Variants in TAB1 observed in about 807,000 individuals in gnomAD.
TAB1 encodes TGF-beta-activated kinase 1 and MAP3K7-binding protein 1.
In TAB1, 30 loss-of-function variants were observed where a neutral mutation model predicts 54.5. The ratio of observed to expected loss-of-function variants is 0.55; its 90% CI spans 0.41 to 0.75. TAB1 has a LOEUF of 0.75. Ranked by LOEUF, TAB1 falls within the 30% of genes least tolerant of loss-of-function variation. The pLI, the probability that TAB1 is intolerant of heterozygous loss-of-function variation, is 0.00. For synonymous variants in TAB1, 289 were observed against 286.9 expected (o/e 1.01, Z -0.07); for missense variants, 609 against 683.2 (o/e 0.89, Z 1.21).
intron 8 of TAB1, 109 bp downstream of exon 8, chr22:39,422,080 T>C (rs1343770076): frequency 2.8e-6 from 3 of 1,055,284 alleles, no homozygotes; most frequent in Non-Finnish European, 3.9e-6. Context: ...TCACCAGACA[T>C]CTCTGGGTTC....
intron 8 of TAB1, among the ~76,000 whole-genome samples, chr22:39,425,252 C>T (rs537939693): frequency 5.9e-5 from 9 of 151,700 alleles, no homozygotes; most frequent in East Asian, 1.9e-4. Context: ...TGCATAGTGA[C>T]GCACGCCTGT....
intron 7 of TAB1, among the ~76,000 whole-genome samples, chr22:39,420,961 C>A (rs762353339): frequency 6.8e-6 from 1 of 146,758 alleles, no homozygotes; most frequent in African/African-American, 2.6e-5. Flanking sequence ...GCATCCTTTT[C>A]GGAACACCCA....
At position 39,415,051 on chromosome 22, in the gene TAB1, T is replaced by G; in HGVS notation, c.79T>G (p.Ser27Ala). 1 of 1,614,026 alleles carries G rather than the reference T, an allele frequency of 6.2e-7. No individual in the cohort carries two copies. Among genetic ancestry groups the G allele is most frequent in the Non-Finnish European group, 8.5e-7 (1 of 1,179,952 alleles). ...WTDDLPLCHL[S>A]GVGSASNRSY... is the part of the protein sequence containing the mutation. ...AGATGACCTGCCTCTCTGCCACCTCTCTGGGGTTGGCTCAGCCTCCAACCG... is the reference window on the plus strand; with the variant it reads ...AGATGACCTGCCTCTCTGCCACCTCGCTGGGGTTGGCTCAGCCTCCAACCG... The change falls in exon 2 of 11, where the codon TCT (serine) becomes GCT (alanine). Residue 27 changes from serine (S) to alanine (A), a missense_variant. Physicochemically the swap from Ser to Ala is moderately conservative, Grantham distance 99. Transcript: ENST00000216160. The surrounding 1 kb of genome is among the most constrained non-coding windows in gnomAD (Gnocchi z 4.9).
chr22:39,437,050 A>C (rs1428299606), downstream of TAB1: 1 of 142,000 alleles, frequency 7.0e-6, no homozygotes, highest in African/African-American at 3.2e-5. Context: ...CCTCTTCTGC[A>C]AAAAAAAAAT....
intron 1 of TAB1, among the ~76,000 whole-genome samples, chr22:39,408,491 G>A (rs759854321): frequency 7.9e-5 from 12 of 152,276 alleles, no homozygotes; most frequent in South Asian, 2.1e-4. Context: ...TTTCACTGGC[G>A]TTTTTTGTTT....
chr22:39,407,853 C>T (rs949649887), intron 1 of TAB1, among the ~76,000 whole-genome samples: 6 of 152,078 alleles, frequency 3.9e-5, no homozygotes, highest in Admixed American at 2.0e-4. Context: ...ATCTCTTGAC[C>T]TCGTGATCTG....
intron 5 of TAB1, 115 bp downstream of exon 5, chr22:39,417,964 C>A: frequency 7.4e-7 from 1 of 1,342,978 alleles, no homozygotes; most frequent in Non-Finnish European, 9.9e-7. Context: ...AACCCAGGGT[C>A]TCCTGAGACC....
At chr22:39,436,621 G>A (rs1254391763), downstream of TAB1, 3 of 1,435,006 alleles carry the variant, frequency 2.1e-6, no homozygotes, top group African/African-American at 2.8e-5. Flanking sequence ...GATCATCCTG[G>A]GGTTTTGTCG....
In TAB1 at chr22:39,415,807, C is replaced by G. The variant is rs1021546188; in HGVS notation, c.324+154C>G. ...GAGCAGCTCCCAGCGTAGGCCCCCC[C>G]ACCCAACAGGAGTCCAGGACCAGCC... On this transcript the variant is annotated intron_variant, in intron 3 of 10. Transcript: ENST00000216160. The surrounding 1 kb of genome is among the most constrained non-coding windows in gnomAD (Gnocchi z 4.9). 2.6e-5 allele frequency among the ~76,000 whole-genome samples: 4 copies of G among 152,314 alleles called. No homozygotes were observed. The highest frequency in any genetic ancestry group is 2.1e-4 in the South Asian group (1 of 4,830).
Position 39,415,138 on chromosome 22 carries a change from T to C in TAB1, c.166T>C (p.Phe56Leu). ...SHPPEDSWLK[F>L]RSENNCFLYG... ...CCCGCCAGAGGACAGCTGGCTCAAG[T>C]TCAGGTGTGTGTGCCAGCATTTCTG... The change falls in exon 2 of 11, where the codon TTC (phenylalanine) becomes CTC (leucine). Residue 56 changes from phenylalanine to leucine, a missense_variant. Coordinates refer to ENST00000216160, the MANE Select transcript of TAB1 (RefSeq NM_006116.3). The surrounding 1 kb of genome is among the most constrained non-coding windows in gnomAD (Gnocchi z 4.9). 1 of 1,581,488 alleles carries C rather than the reference T, an allele frequency of 6.3e-7. No individual in the cohort carries two copies.
At chr22:39,425,992 G>C (rs958240138) in intron 8 of TAB1, among the ~76,000 whole-genome samples, 16 of 151,674 alleles carry the variant, frequency 1.1e-4, no homozygotes, top group Non-Finnish European at 2.1e-4. Flanking sequence ...CAAGTTGCTG[G>C]GATTACAGGC....
chr22:39,427,426 G>A lies in TAB1; in HGVS notation c.1144+501G>A, dbSNP rs35959417. Reference sequence around the variant, plus strand: ...CTGGGCTGCACTGGAGCAGGGCAGGGAGAAGGACGTTTTGCTTTTTACCTA... The same window carrying A: ...CTGGGCTGCACTGGAGCAGGGCAGGAAGAAGGACGTTTTGCTTTTTACCTA... On this transcript the variant is annotated intron_variant, in intron 9 of 10. Transcript: ENST00000216160. Among the ~76,000 whole-genome samples the A allele has an allele frequency of 4.5e-3, 684 of 152,348 alleles. 6 individuals are homozygous for A. The highest frequency in any genetic ancestry group is 0.015 in the African/African-American group (634 of 41,578).
intron 10 of TAB1, chr22:39,429,206 T>G: frequency 1.0e-6 from 1 of 985,174 alleles, no homozygotes; most frequent in African/African-American, 1.7e-5. Context: ...GTTCCAGCTG[T>G]GATAGAAGGT....
intron 1 of TAB1, among the ~76,000 whole-genome samples, chr22:39,406,647 T>G (rs192660494): frequency 5.6e-4 from 85 of 152,138 alleles, no homozygotes; most frequent in African/African-American, 2.0e-3. Flanking sequence ...TATTTTTTAT[T>G]TTTGAGACGG....
intron 7 of TAB1, among the ~76,000 whole-genome samples, chr22:39,421,282 G>A (rs1027781091): frequency 1.2e-4 from 18 of 152,076 alleles, no homozygotes; most frequent in Admixed American, 2.6e-4. Flanking sequence ...CCTGGCTGAC[G>A]GACCCTCAGG....
intron 7 of TAB1, among the ~76,000 whole-genome samples, chr22:39,420,483 T>G (rs892824861): frequency 6.6e-6 from 1 of 152,088 alleles, no homozygotes; most frequent in Non-Finnish European, 1.5e-5. Context: ...AAAGCCAGAG[T>G]TCCCATCAAC....
At chr22:39,426,456 C>T (rs139143983) in intron 8 of TAB1, among the ~76,000 whole-genome samples, 1 of 152,348 alleles carries the variant, frequency 6.6e-6, no homozygotes, top group East Asian at 1.9e-4. Flanking sequence ...ATGTTCTCCC[C>T]ATCCTAGAGG....
downstream of TAB1, among the ~76,000 whole-genome samples, chr22:39,432,223 G>A (rs1927614084): frequency 2.0e-5 from 3 of 152,232 alleles, no homozygotes; most frequent in Admixed American, 6.5e-5. Context: ...GTGAGCCTAG[G>A]GTCTTGGTGT....
chr22:39,414,959 C>G (rs1310058625), intron 1 of TAB1, 47 bp from the exon 2 acceptor site: 1 of 1,611,144 alleles, frequency 6.2e-7, no homozygotes, highest in Non-Finnish European at 8.5e-7. Context: ...TGGGGACTAC[C>G]CTGCAGACGC....
Sources: gnomAD v4.1 joint callset for allele counts (sites outside exome capture counted in the v4.1 genomes callset) on GRCh38, gnomAD v4.1.1 for gene constraint, Gnocchi (gnomAD v3.1) non-coding constraint, MANE v1.5 for transcripts, NCBI Gene and HGNC (gene_info 2026-07-23, HGNC 2026-07-21) for gene names.